NFAT5: variants seen among roughly 807,000 people sequenced by gnomAD.
NFAT5 encodes nuclear factor of activated T-cells 5.
Under a neutral mutation model 166.5 loss-of-function variants are expected in NFAT5, and 31 were observed. That is an observed-to-expected ratio of 0.19 (90% confidence interval 0.14 to 0.25). NFAT5 has a LOEUF of 0.25. Ranked by LOEUF, NFAT5 falls within the 10% of genes least tolerant of loss-of-function variation. The pLI, the probability that NFAT5 is intolerant of heterozygous loss-of-function variation, is 1.00. For synonymous variants in NFAT5, 612 were observed against 639.7 expected (o/e 0.96, Z 0.65); for missense variants, 1,449 against 1,821.8 (o/e 0.80, Z 3.72).
At chr16:69,645,719 T>A (rs1028074436) in intron 3 of NFAT5, among the ~76,000 whole-genome samples, 2 of 152,206 alleles carry the variant, frequency 1.3e-5, no homozygotes, top group Non-Finnish European at 2.9e-5. Flanking sequence ...AGATACAAAT[T>A]AATTTTAGAT....
chr16:69,677,166 G>T, intron 9 of NFAT5, 37 bp from the exon 10 acceptor site: 2 of 1,572,126 alleles, frequency 1.3e-6, no homozygotes, highest in East Asian at 2.3e-5. Flanking sequence ...TTTAAGTATT[G>T]CTTCTTTTCC....
At chr16:69,626,333 T>C in intron 2 of NFAT5, 70 bp from the exon 3 acceptor site, 1 of 1,365,184 alleles carries the variant, frequency 7.3e-7, no homozygotes, top group Non-Finnish European at 9.9e-7. Context: ...CATACTCATT[T>C]TGTGCATATT....
intron 2 of NFAT5, among the ~76,000 whole-genome samples, chr16:69,605,682 T>C (rs2033365125): frequency 6.6e-6 from 1 of 152,152 alleles, no homozygotes; most frequent in Non-Finnish European, 1.5e-5. Flanking sequence ...AAGAGTCTTT[T>C]AAGTTCTGTG....
intron 2 of NFAT5, among the ~76,000 whole-genome samples, chr16:69,610,963 C>T (rs1037367509): frequency 1.3e-5 from 2 of 152,042 alleles, no homozygotes; most frequent in East Asian, 1.9e-4. Context: ...GGAGCAGACT[C>T]GGGTTTCTGT....
At chr16:69,579,327 A>G (rs1267718830) in intron 2 of NFAT5, among the ~76,000 whole-genome samples, 1 of 152,120 alleles carries the variant, frequency 6.6e-6, no homozygotes. Flanking sequence ...ATTATTTTTA[A>G]AGAACTTTTC....
rs915454574 is a variant in NFAT5 at position 69,573,902 on chromosome 16, T to G, written c.127+5354T>G. 2.0e-5 allele frequency among the ~76,000 whole-genome samples: 3 copies of G among 149,006 alleles called. No individual in the cohort carries two copies. In the Admixed American group the frequency reaches 2.0e-4, roughly 10 times the overall value. On this transcript the variant is annotated intron_variant, in intron 2 of 14. Coordinates refer to ENST00000349945, the MANE Select transcript of NFAT5 (RefSeq NM_138713.4). ...TTTTTTTTTTTTTTGAGATAGAGTT[T>G]CGCTCTTGTTGCCCAGGCTGGAGTG...
At position 69,630,276 on chromosome 16, in the gene NFAT5, C is replaced by T. The variant is rs150232853; in HGVS notation, c.253+3748C>T. On this transcript the variant is annotated intron_variant, in intron 3 of 14. Transcript: ENST00000349945. ...CGAACTCCTGGGCTCAGGTGATCCT[C>T]GAGGCTTGGCCTCCTAAAGTGCTGG... 6.6e-5 allele frequency among the ~76,000 whole-genome samples: 10 copies of T among 152,206 alleles called. No individual in the cohort carries two copies. In the East Asian group the frequency reaches 9.7e-4, roughly 15 times the overall value.
At position 69,566,324 on chromosome 16, in the gene NFAT5, T is replaced by G; in HGVS notation, c.23T>G (p.Leu8Trp). The change falls in exon 1 of 15, where the codon TTG becomes TGG. Residue 8 changes from leucine to tryptophan, a missense_variant. Transcript: ENST00000349945. The surrounding 1 kb of genome is among the most constrained non-coding windows in gnomAD (Gnocchi z 5.7). ...GCGATGCCCTCGGACTTCATCTCAT[T>G]GCTCAGCGCGGACCTAGACCTGGAA... MPSDFIS[L>W]LSADLDLESP... The G allele has an allele frequency of 6.2e-7, 1 of 1,603,882 alleles. No homozygotes were observed. The highest frequency in any genetic ancestry group is 8.5e-7 in the Non-Finnish European group (1 of 1,175,852).
intron 3 of NFAT5, among the ~76,000 whole-genome samples, chr16:69,636,895 A>G (rs2034992095): frequency 6.6e-6 from 1 of 152,154 alleles, no homozygotes; most frequent in Non-Finnish European, 1.5e-5. Flanking sequence ...CTACTTATGC[A>G]GTTTTCTGCA....
intron 3 of NFAT5, among the ~76,000 whole-genome samples, chr16:69,635,983 A>C (rs1200296259): frequency 2.0e-5 from 3 of 152,224 alleles, no homozygotes; most frequent in African/African-American, 7.2e-5. Flanking sequence ...ATCTGAGACA[A>C]GGCAAGCTCC....
rs1020055321 is a variant in NFAT5, at chr16:69,703,435, A to G, written c.*7084A>G. The G allele has an allele frequency of 6.6e-6, 1 of 152,632 alleles. No homozygotes were observed. The highest frequency in any genetic ancestry group is 6.5e-5 in the Admixed American group (1 of 15,276). 9.5% of individuals were successfully genotyped at this position (152,632 alleles called of 1,614,324 possible). A position where few individuals can be genotyped will look rare whatever the true frequency, so the allele number is the denominator to read the frequency against. On this transcript the variant is annotated 3_prime_UTR_variant, in exon 15 of 15. Coordinates refer to ENST00000349945, the MANE Select transcript of NFAT5 (RefSeq NM_138713.4). Reference sequence around the variant, plus strand: ...TTCTCGTTTCTCAAGTGTATGCATCATGGTAAATATAAACTAACCACAAGA... The same window carrying G: ...TTCTCGTTTCTCAAGTGTATGCATCGTGGTAAATATAAACTAACCACAAGA...
intron 2 of NFAT5, among the ~76,000 whole-genome samples, chr16:69,616,644 G>GGCT (rs1403156701): frequency 2.0e-5 from 3 of 151,988 alleles, no homozygotes; most frequent in Non-Finnish European, 4.4e-5. Flanking sequence ...ATCCCAACCT[G>GGCT]AGCCATCCTC....
chr16:69,685,148 A>AT (rs1304134662), intron 11 of NFAT5, 178 bp downstream of exon 11: 1 of 238,534 alleles, frequency 4.2e-6, no homozygotes, highest in African/African-American at 2.5e-5. Context: ...CCAATTTGAT[A>AT]TTTTTCTTGC....
In NFAT5 at chr16:69,566,492, TG is replaced by T. The variant is rs2016045860; in HGVS notation, c.73+120del. Reference sequence around the variant, plus strand: ...GGGGGCGGCTGAGCCGCGACCCCCATGGCTTCTTTGGCCGGAGCGGGCAGAG... The same window carrying T: ...GGGGGCGGCTGAGCCGCGACCCCCATGCTTCTTTGGCCGGAGCGGGCAGAG... On this transcript the variant is annotated intron_variant, in intron 1 of 14. Coordinates refer to ENST00000349945, the MANE Select transcript of NFAT5 (RefSeq NM_138713.4). The surrounding 1 kb of genome is among the most constrained non-coding windows in gnomAD (Gnocchi z 5.7). 6 of 848,186 alleles carry T rather than the reference TG, an allele frequency of 7.1e-6. No individual in the cohort carries two copies. The highest frequency in any genetic ancestry group is 1.1e-5 in the Non-Finnish European group (6 of 521,998). 52.5% of individuals were successfully genotyped at this position (848,186 alleles called of 1,614,324 possible).
At chr16:69,631,606 T>TTCATAG (rs2034721549) in intron 3 of NFAT5, among the ~76,000 whole-genome samples, 1 of 152,088 alleles carries the variant, frequency 6.6e-6, no homozygotes, top group African/African-American at 2.4e-5. Context: ...ACACTAATAC[T>TTCATAG]TCATAGCAAT....
At chr16:69,621,965 A>T (rs1023808988) in intron 2 of NFAT5, among the ~76,000 whole-genome samples, 1 of 63,182 alleles carries the variant, frequency 1.6e-5, no homozygotes, top group Non-Finnish European at 2.8e-5. Flanking sequence ...CCTGACTCAA[A>T]TAAAATAAAA....
intron 2 of NFAT5, among the ~76,000 whole-genome samples, chr16:69,602,179 A>T (rs567612084): frequency 6.6e-6 from 1 of 151,988 alleles, no homozygotes; most frequent in South Asian, 2.1e-4. Flanking sequence ...TTATTTAAAA[A>T]TTTTCTAGCT....
intron 2 of NFAT5, among the ~76,000 whole-genome samples, chr16:69,606,831 G>T (rs1026058960): frequency 2.0e-5 from 3 of 152,292 alleles, no homozygotes; most frequent in Non-Finnish European, 4.4e-5. Flanking sequence ...TCCAGCTTGG[G>T]TGATAGAGGG....
intron 2 of NFAT5, among the ~76,000 whole-genome samples, chr16:69,608,321 G>C (rs886296721): frequency 6.6e-6 from 1 of 152,112 alleles, no homozygotes; most frequent in African/African-American, 2.4e-5. Flanking sequence ...TACTCAACTA[G>C]ATACTCTAAG....
Sources: allele counts gnomAD v4.1 joint callset (sites outside exome capture counted in the v4.1 genomes callset), GRCh38; gene constraint gnomAD v4.1.1; non-coding constraint Gnocchi (gnomAD v3.1); transcripts MANE v1.5; gene names NCBI Gene and HGNC (gene_info 2026-07-23, HGNC 2026-07-21).